Variants in BIRC6 observed in about 807,000 individuals in gnomAD.
BIRC6 encodes the protein baculoviral IAP repeat containing 6, also known as dual E2 ubiquitin-conjugating enzyme/E3 ubiquitin-protein ligase BIRC6.
BIRC6 carries 98 observed loss-of-function variants against 503.3 expected under a neutral mutation model. The ratio of observed to expected loss-of-function variants is 0.19; its 90% confidence interval spans 0.17 to 0.23. BIRC6 has a LOEUF of 0.23. BIRC6 is among the 10% of genes least tolerant of loss of function. The pLI is 1.00. For synonymous variants in BIRC6, 2,240 were observed against 2,078.7 expected, an observed-to-expected ratio of 1.08 and a Z score of -2.11; for missense variants, 5,360 against 5,806.0, an observed-to-expected ratio of 0.92 and a Z score of 2.50.
intron 12 of BIRC6, among the ~76,000 whole-genome samples, chr2:32,432,389 C>CCTGGGCTACAGAGTGAGACT (rs780752659): frequency 7.9e-5 from 12 of 152,074 alleles, no homozygotes; most frequent in Non-Finnish European, 1.8e-4. Context: ...TGCACTCCAG[C>CCTGGGCTACAGAGTGAGACT]CTGGGCTACA....
At chr2:32,382,118 C>T (rs2037754602) in intron 3 of BIRC6, among the ~76,000 whole-genome samples, 1 of 152,170 alleles carries the variant, frequency 6.6e-6, no homozygotes, top group South Asian at 2.1e-4. Flanking sequence ...CTATAGGAAG[C>T]AGTTTTCACC....
At chr2:32,442,581 T>A in intron 19 of BIRC6, 126 bp downstream of exon 19, 1 of 1,130,978 alleles carries the variant, frequency 8.8e-7, no homozygotes, top group Non-Finnish European at 1.2e-6. Context: ...ATTTCAAAAG[T>A]TGATGAAGAT....
At chr2:32,590,091 G>A (rs921035860) in intron 66 of BIRC6, among the ~76,000 whole-genome samples, 19 of 152,238 alleles carry the variant, frequency 1.2e-4, no homozygotes, top group African/African-American at 3.9e-4. Context: ...ATCTTCGCCC[G>A]TTTACTGGTG....
intron 30 of BIRC6, 123 bp from the exon 31 acceptor site, chr2:32,470,045 T>C: frequency 2.3e-6 from 2 of 857,076 alleles, no homozygotes; most frequent in Non-Finnish European, 3.2e-6. Context: ...GTCTGAAATA[T>C]GGTATGTTTT....
chr2:32,367,653 T>C (rs1281425747), intron 1 of BIRC6, among the ~76,000 whole-genome samples: 6 of 151,412 alleles, frequency 4.0e-5, no homozygotes, highest in Non-Finnish European at 8.8e-5. Flanking sequence ...CCGTCTCTAC[T>C]AAAAATACAA....
intron 10 of BIRC6, among the ~76,000 whole-genome samples, chr2:32,425,164 A>G (rs1328419277): frequency 6.6e-6 from 1 of 151,486 alleles, no homozygotes; most frequent in Non-Finnish European, 1.5e-5. Flanking sequence ...CTTAATAGAT[A>G]TGATTTGCAA....
chr2:32,513,252 CAT>C (rs1203877639), intron 54 of BIRC6, 98 bp downstream of exon 54: 2 of 831,810 alleles, frequency 2.4e-6, no homozygotes, highest in African/African-American at 3.5e-5. Context: ...TTAGGAGAAA[CAT>C]AATATTTTGA....
rs543619831 is a variant in BIRC6, at chr2:32,383,884, A to C, written c.645+3594A>C. On this transcript the variant is annotated intron_variant, in intron 3 of 73. Transcript: ENST00000421745. ...ACTTCATCTTTACTATTGGACTTGGAAGTACTAAGGGGCATCCTAGAGAAT... is the reference window on the plus strand; with the variant it reads ...ACTTCATCTTTACTATTGGACTTGGCAGTACTAAGGGGCATCCTAGAGAAT... Among the ~76,000 whole-genome samples the C allele has an allele frequency of 2.6e-5, 4 of 152,290 alleles. No individual in the cohort carries two copies. The South Asian group carries it at 8.3e-4, about 32-fold the overall frequency.
chr2:32,524,920 G>T lies in BIRC6; in HGVS notation c.11656G>T (p.Glu3886Ter). 6.6e-7 allele frequency: 1 copy of T among 1,510,432 alleles called. No homozygotes were observed. 93.6% of individuals were successfully genotyped at this position (1,510,432 alleles called of 1,614,324 possible). A position where few individuals can be genotyped will look rare whatever the true frequency, so the allele number is the denominator to read the frequency against. The change falls in exon 58 of 74, where the codon GAA becomes TAA. Residue 3886 changes from glutamate (E) to a stop codon, truncating the protein, a stop_gained. Transcript: ENST00000421745. LOFTEE classifies it high-confidence loss of function. Reference sequence around the variant, plus strand: ...AAGTATCACAGCTAAATTAATTAGTGAACAAAAAGATGACAAAGAAAAGAA... The same window carrying T: ...AAGTATCACAGCTAAATTAATTAGTTAACAAAAAGATGACAAAGAAAAGAA... ...TPSITAKLIS[E>*]QKDDKEKKNH...
At chr2:32,368,565 A>G (rs748150458) in intron 1 of BIRC6, among the ~76,000 whole-genome samples, 18 of 152,192 alleles carry the variant, frequency 1.2e-4, no homozygotes, top group Middle Eastern at 3.4e-3. Context: ...AAATAAATAA[A>G]TAAAAAATAA....
intron 69 of BIRC6, 151 bp from the exon 70 acceptor site, chr2:32,599,588 A>G (rs917248931): frequency 7.3e-6 from 5 of 683,284 alleles, no homozygotes; most frequent in African/African-American, 1.8e-5. Context: ...CAGTGAGCCG[A>G]GATTGCGCCA....
chr2:32,607,514 A>G lies in BIRC6; in HGVS notation c.14130A>G (p.Gly4710=). 6.2e-7 allele frequency: 1 copy of G among 1,612,890 alleles called. No homozygotes were observed. Among genetic ancestry groups the G allele is most frequent in the Non-Finnish European group, 8.5e-7 (1 of 1,179,168 alleles). The change falls in exon 72 of 74, where the codon GGA becomes GGG. Residue 4710 remains glycine (G), a synonymous_variant. Coordinates refer to ENST00000421745, the MANE Select transcript of BIRC6 (RefSeq NM_016252.4). Reference sequence around the variant, plus strand: ...CTGAGCCTTATTTTAATGAACCGGGATATGAACGGTCTAGAGGCACTCCCA... The same window carrying G: ...CTGAGCCTTATTTTAATGAACCGGGGTATGAACGGTCTAGAGGCACTCCCA... ...LVAEPYFNEP[G]YERSRGTPSG...
intron 62 of BIRC6, among the ~76,000 whole-genome samples, chr2:32,545,415 C>A (rs973502950): frequency 2.6e-5 from 4 of 151,958 alleles, no homozygotes; most frequent in African/African-American, 9.7e-5. Flanking sequence ...ACATATGTTT[C>A]CATTTTTTTG....
chr2:32,508,138 G>A lies in BIRC6; in HGVS notation c.9859G>A (p.Asp3287Asn). The change falls in exon 51 of 74, where the codon GAT becomes AAT. Residue 3287 changes from aspartate (D) to asparagine (N), a missense_variant. Around this residue, in one of 16 missense-constraint regions of BIRC6, gnomAD observed 62 missense variants for 107.4 expected, o/e 0.58. Coordinates refer to ENST00000421745, the MANE Select transcript of BIRC6 (RefSeq NM_016252.4). Reference protein sequence around the residue: ...AVCLRLHRPRDASTLGLSQIK... With the variant: ...AVCLRLHRPRNASTLGLSQIK... ...CTGCCTTAGACTACATCGTCCACGG[G>A]ATGCCAGCACATTAGGCCTTTCACA... is the stretch of plus-strand genomic sequence containing the variant. 2.5e-6 allele frequency: 4 copies of A among 1,613,866 alleles called. No individual in the cohort carries two copies. The highest frequency in any genetic ancestry group is 3.4e-6 in the Non-Finnish European group (4 of 1,179,884).
chr2:32,469,340 A>G, intron 29 of BIRC6, 55 bp from the exon 30 acceptor site: 8 of 1,324,554 alleles, frequency 6.0e-6, no homozygotes, highest in Non-Finnish European at 8.3e-6. Flanking sequence ...TGCGTATTTT[A>G]ATATTATACA....
At chr2:32,596,184 G>A (rs888570854) in intron 68 of BIRC6, among the ~76,000 whole-genome samples, 1 of 151,790 alleles carries the variant, frequency 6.6e-6, no homozygotes, top group African/African-American at 2.4e-5. Context: ...TAACTTATTT[G>A]CTTTAAAAAA....
Position 32,603,004 on chromosome 2 carries a change from A to G in BIRC6, c.13993-2A>G, listed in dbSNP as rs1471528728. 1 of 1,604,114 alleles carries G rather than the reference A, an allele frequency of 6.2e-7. No homozygotes were observed. Among genetic ancestry groups the G allele is most frequent in the Non-Finnish European group, 8.5e-7 (1 of 1,176,964 alleles). ...TCTGTTTATGCTTTTTTCGTTCGTC[A>G]GGTTTGTTTAAGCATCTTAAACACG... On this transcript the variant is annotated splice_acceptor_variant, in intron 70 of 73. Transcript: ENST00000421745. LOFTEE classifies it high-confidence loss of function.
At chr2:32,371,819 GT>G (rs1272813257) in intron 1 of BIRC6, among the ~76,000 whole-genome samples, 2 of 151,440 alleles carry the variant, frequency 1.3e-5, no homozygotes, top group Non-Finnish European at 2.9e-5. Context: ...GTTTGTTTGT[GT>G]TTTGAGACAG....
intron 1 of BIRC6, among the ~76,000 whole-genome samples, chr2:32,367,082 A>G (rs1447077298): frequency 1.3e-5 from 2 of 152,232 alleles, no homozygotes; most frequent in African/African-American, 4.8e-5. Flanking sequence ...AGAGAATATC[A>G]TATAGAGATA....
Sources: allele counts gnomAD v4.1 joint callset (sites outside exome capture counted in the v4.1 genomes callset), GRCh38; gene constraint gnomAD v4.1.1; regional missense constraint gnomAD v4.1.1; transcripts MANE v1.5; gene names NCBI Gene and HGNC (gene_info 2026-07-23, HGNC 2026-07-21).